The following ZFP1 variants were observed in gnomAD, a reference collection of about 807,000 sequenced individuals.
ZFP1 encodes the protein ZFP1 zinc finger protein, also known as zinc finger protein 1 homolog.
ZFP1 carries 32 observed loss-of-function variants against 38.5 expected under a neutral mutation model. That is an observed-to-expected ratio of 0.83 (90% CI 0.63 to 1.12). The LOEUF (loss-of-function observed/expected upper bound fraction) is 1.12. Ranked by LOEUF, ZFP1 falls within the 50% of genes most tolerant of loss-of-function variation. ZFP1 has a pLI of 0.00. For synonymous variants in ZFP1, 245 were observed against 168.8 expected (o/e 1.45, Z -3.50); for missense variants, 616 against 480.8 (o/e 1.28, Z -2.63).
At chr16:75,147,134 T>C (rs1292837846), upstream of ZFP1, among the ~76,000 whole-genome samples, 1 of 151,962 alleles carries the variant, frequency 6.6e-6, no homozygotes, top group South Asian at 2.1e-4. Flanking sequence ...GTGGGATGGA[T>C]GAATAAATGG....
rs34371791 is a variant in ZFP1 at position 75,149,557 on chromosome 16, C to CTTTTTTTT, written c.-44+927_-44+934dup. Reference sequence around the variant, plus strand: ...TTGTACCGTTTCTTTTCTTTACTTTCTTTTTTTTTTTTTTTTTTTTGAGAC... The same window carrying CTTTTTTTT: ...TTGTACCGTTTCTTTTCTTTACTTTCTTTTTTTTTTTTTTTTTTTTTTTTTTTTGAGAC... On this transcript the variant is annotated intron_variant, in intron 1 of 3. Transcript: ENST00000570010. Among the ~76,000 whole-genome samples, 285 of 101,774 alleles carry CTTTTTTTT rather than the reference C, an allele frequency of 2.8e-3. 5 individuals are homozygous for CTTTTTTTT. Among genetic ancestry groups the CTTTTTTTT allele is most frequent in the Middle Eastern group, 0.018 (2 of 112 alleles). The allele number at this position is 101,774 out of a possible 152,430, so 66.8% of individuals were successfully genotyped here.
the ZFP1 span, among the ~76,000 whole-genome samples, chr16:75,141,641 T>C: frequency 6.6e-6 from 1 of 151,790 alleles, no homozygotes; most frequent in African/African-American, 2.4e-5. Flanking sequence ...TCCCAGTGCT[T>C]TGAGAGGCCA....
chr16:75,135,636 T>C, the ZFP1 span, among the ~76,000 whole-genome samples: 2 of 152,140 alleles, frequency 1.3e-5, no homozygotes, highest in Non-Finnish European at 2.9e-5. Context: ...GATTGCCAGG[T>C]GTTCAAGGTG....
chr16:75,166,655 G>A (rs909477792), intron 2 of ZFP1, 115 bp from the exon 3 acceptor site: 3 of 1,560,432 alleles, frequency 1.9e-6, no homozygotes, highest in African/African-American at 2.7e-5. Flanking sequence ...CAGTGAACAA[G>A]ATGTATCGTT....
In ZFP1 at chr16:75,169,468, C is replaced by G. The variant is rs1315772402; in HGVS notation, c.358C>G (p.Leu120Val). Residue 120 changes from leucine (L) to valine (V), a missense_variant, in exon 4 of 4, where the codon CTT becomes GTT. Physicochemically the swap from Leu to Val is conservative, Grantham distance 32. Transcript: ENST00000570010. Reference sequence around the variant, plus strand: ...AACTTTGAAATATAATTCAGACTTGCTTAATAGTAATAGAAGCTATGCAGG... The same window carrying G: ...AACTTTGAAATATAATTCAGACTTGGTTAATAGTAATAGAAGCTATGCAGG... Reference protein sequence around the residue: ...EKTLKYNSDLLNSNRSYAGKQ... With the variant: ...EKTLKYNSDLVNSNRSYAGKQ... 1 of 1,612,794 alleles carries G rather than the reference C, an allele frequency of 6.2e-7. No individual in the cohort carries two copies. Among genetic ancestry groups the G allele is most frequent in the Non-Finnish European group, 8.5e-7 (1 of 1,179,734 alleles).
rs141310488 is a variant in ZFP1 at position 75,165,629 on chromosome 16, C to T, written c.16-1141C>T. On this transcript the variant is annotated intron_variant, in intron 2 of 3. Transcript: ENST00000570010. ...AGGTTGGTCCCGAACACCTGTGATC[C>T]GCCCACCTCGGCTTCCTAAAGTGCT... 2.1e-4 allele frequency among the ~76,000 whole-genome samples: 32 copies of T among 152,212 alleles called. No homozygotes were observed. The East Asian group carries it at 2.1e-3, about 10-fold the overall frequency.
At chr16:75,163,828 C>G (rs2037919032) in intron 2 of ZFP1, among the ~76,000 whole-genome samples, 1 of 151,330 alleles carries the variant, frequency 6.6e-6, no homozygotes, top group African/African-American at 2.4e-5. Flanking sequence ...CCAGGGTGGT[C>G]TCAAACTCCT....
chr16:75,166,955 C>A, intron 3 of ZFP1, 59 bp downstream of exon 3: 2 of 1,563,368 alleles, frequency 1.3e-6, no homozygotes, highest in South Asian at 1.2e-5. Context: ...TGTCCTGTCT[C>A]AGTGACCAGA....
At chr16:75,151,107 C>T (rs962691449) in intron 1 of ZFP1, among the ~76,000 whole-genome samples, 8 of 152,116 alleles carry the variant, frequency 5.3e-5, no homozygotes, top group African/African-American at 1.4e-4. Context: ...AGTCCACCCA[C>T]CTTTGCCTCC....
the ZFP1 span, among the ~76,000 whole-genome samples, chr16:75,138,162 A>T: frequency 2.0e-5 from 3 of 149,118 alleles, no homozygotes; most frequent in Non-Finnish European, 4.4e-5. Context: ...TCAGCCTCTC[A>T]AGTAGCTGGG....
the ZFP1 span, among the ~76,000 whole-genome samples, chr16:75,132,797 C>A: frequency 6.6e-6 from 1 of 150,800 alleles, no homozygotes; most frequent in African/African-American, 2.4e-5. Context: ...GCTGGGATTA[C>A]AGGCATTCAC....
Position 75,170,421 on chromosome 16 carries a change from G to T in ZFP1, c.*87G>T. On this transcript the variant is annotated 3_prime_UTR_variant, in exon 4 of 4. Coordinates refer to ENST00000570010, the MANE Select transcript of ZFP1 (RefSeq NM_153688.4). ...CTCATGACAGTATTGAGGGAACATG[G>T]GAATTCATACTGAGATGCAATCTCT... 1.4e-6 allele frequency: 2 copies of T among 1,445,494 alleles called. No homozygotes were observed. Among genetic ancestry groups the T allele is most frequent in the East Asian group, 2.3e-5 (1 of 42,714 alleles). The allele number at this position is 1,445,494 out of a possible 1,614,324, so 89.5% of individuals were successfully genotyped here. A position where few individuals can be genotyped will look rare whatever the true frequency, so the allele number is the denominator to read the frequency against.
At chr16:75,162,421 C>T (rs1379463043) in intron 2 of ZFP1, among the ~76,000 whole-genome samples, 2 of 152,116 alleles carry the variant, frequency 1.3e-5, no homozygotes, top group African/African-American at 4.8e-5. Flanking sequence ...TGCGTCCAGC[C>T]CAAGTATAGG....
chr16:75,128,556 A>G, the ZFP1 span, among the ~76,000 whole-genome samples: 69 of 152,312 alleles, frequency 4.5e-4, 1 homozygote, highest in South Asian at 0.011. Context: ...ATATTTTTCA[A>G]TTCTTATTAT....
At chr16:75,166,135 C>T (rs2145571376) in intron 2 of ZFP1, among the ~76,000 whole-genome samples, 1 of 152,264 alleles carries the variant, frequency 6.6e-6, no homozygotes, top group East Asian at 1.9e-4. Flanking sequence ...ACTATTTAAA[C>T]ATCGATGTCA....
At chr16:75,159,262 CCCTTCCTTCCCTCACTTCCCTT>C (rs1567530226) in intron 2 of ZFP1, among the ~76,000 whole-genome samples, 1 of 147,740 alleles carries the variant, frequency 6.8e-6, no homozygotes, top group Non-Finnish European at 1.5e-5. Flanking sequence ...CCCTTCCTTT[CCCTTCCTTCCCTCACTTCCCTT>C]CCTTCCCTCC....
chr16:75,123,186 T>G, the ZFP1 span, among the ~76,000 whole-genome samples: 2 of 151,342 alleles, frequency 1.3e-5, no homozygotes, highest in Non-Finnish European at 2.9e-5. Flanking sequence ...AAACCTCATC[T>G]CTATTAAAAA....
At chr16:75,167,447 C>T (rs1249875066) in intron 3 of ZFP1, among the ~76,000 whole-genome samples, 2 of 151,708 alleles carry the variant, frequency 1.3e-5, no homozygotes, top group Non-Finnish European at 2.9e-5. Flanking sequence ...CACACTTGAA[C>T]CCTGAAACTT....
At chr16:75,161,188 C>T (rs1254521336) in intron 2 of ZFP1, among the ~76,000 whole-genome samples, 1 of 152,178 alleles carries the variant, frequency 6.6e-6, no homozygotes, top group Non-Finnish European at 1.5e-5. Context: ...CTGCCTCAGC[C>T]TCCCGAGTAG....
Sources: gnomAD v4.1 joint callset for allele counts (sites outside exome capture counted in the v4.1 genomes callset) on GRCh38, gnomAD v4.1.1 for gene constraint, MANE v1.5 for transcripts, NCBI Gene and HGNC (gene_info 2026-07-23, HGNC 2026-07-21) for gene names.